The following PCDH9 variants were observed in gnomAD, a reference collection of about 807,000 sequenced individuals.
PCDH9 encodes protocadherin 9.
In PCDH9, 24 loss-of-function variants were observed where a neutral mutation model predicts 70.6. That is an observed-to-expected ratio of 0.34 (90% CI 0.25 to 0.48). PCDH9 has a LOEUF of 0.48. Ranked by LOEUF, PCDH9 falls within the 20% of genes least tolerant of loss-of-function variation. PCDH9 has a pLI of 0.99. For synonymous variants in PCDH9, 562 were observed against 558.5 expected (o/e 1.01, Z -0.09); for missense variants, 1,281 against 1,503.6 (o/e 0.85, Z 2.45).
At chr13:66,907,909 C>T (rs2082390392) in intron 2 of PCDH9, among the ~76,000 whole-genome samples, 1 of 152,098 alleles carries the variant, frequency 6.6e-6, no homozygotes, top group African/African-American at 2.4e-5. Context: ...TACTTTTGTG[C>T]TATAGGTTTC....
intron 2 of PCDH9, among the ~76,000 whole-genome samples, chr13:67,107,380 C>T (rs1073394): frequency 0.01 from 1,528 of 152,288 alleles, 10 homozygotes; most frequent in Non-Finnish European, 0.014. Context: ...CCAATCAACA[C>T]GCATATTCTA....
At chr13:67,024,483 C>T (rs1041527432) in intron 2 of PCDH9, among the ~76,000 whole-genome samples, 2 of 151,978 alleles carry the variant, frequency 1.3e-5, no homozygotes, top group African/African-American at 4.8e-5. Context: ...ATAAACTTAT[C>T]ACATAATAAA....
chr13:66,855,021 A>AGTAT (rs2081372425), intron 3 of PCDH9, among the ~76,000 whole-genome samples: 1 of 152,134 alleles, frequency 6.6e-6, no homozygotes, highest in African/African-American at 2.4e-5. Context: ...CAAGACCTGA[A>AGTAT]TGCATTCCTT....
intron 2 of PCDH9, among the ~76,000 whole-genome samples, chr13:67,162,660 C>G (rs1280354156): frequency 5.9e-5 from 9 of 152,052 alleles, no homozygotes; most frequent in Admixed American, 5.9e-4. Context: ...CTAAAACTCC[C>G]GAGTGAGTAG....
chr13:66,921,062 T>A (rs1261195249), intron 2 of PCDH9, among the ~76,000 whole-genome samples: 2 of 151,174 alleles, frequency 1.3e-5, no homozygotes, highest in Non-Finnish European at 3.0e-5. Context: ...AATTTCATAA[T>A]GCATAAAGAT....
chr13:66,319,780 A>T (rs941968376), intron 4 of PCDH9, among the ~76,000 whole-genome samples: 7 of 152,112 alleles, frequency 4.6e-5, no homozygotes, highest in Non-Finnish European at 1.0e-4. Context: ...AGTCAAAAGC[A>T]AATGTGGAAA....
intron 2 of PCDH9, among the ~76,000 whole-genome samples, chr13:66,904,777 A>G (rs1385197228): frequency 1.3e-5 from 2 of 151,966 alleles, no homozygotes; most frequent in East Asian, 1.9e-4. Context: ...CCATCATTTT[A>G]TATATTTAAA....
rs369977170 is a variant in PCDH9, at chr13:66,921,306, C to G, written c.3037-17701G>C. Among the ~76,000 whole-genome samples the G allele has an allele frequency of 3.3e-5, 5 of 151,016 alleles. No individual in the cohort carries two copies. The East Asian group carries it at 9.7e-4, about 29-fold the overall frequency. ...ATTTAACTACCTTTAATTATGGGAACTATGCAAGCAGACATTGTATTTACG... is the reference window on the plus strand; with the variant it reads ...ATTTAACTACCTTTAATTATGGGAAGTATGCAAGCAGACATTGTATTTACG... On this transcript the variant is annotated intron_variant, in intron 2 of 4. Transcript: ENST00000377865.
rs781540299 is a variant in PCDH9 at position 66,588,169 on chromosome 13, G to T, written c.3340+43041C>A. Among the ~76,000 whole-genome samples the T allele has an allele frequency of 2.0e-5, 3 of 151,978 alleles. No individual in the cohort carries two copies. In the East Asian group the frequency reaches 5.8e-4, roughly 29 times the overall value. ...CATAGACATCTATAATTTTTCTCCT[G>T]CTTGAAACAATCTCCTACATGCCAC... On this transcript the variant is annotated intron_variant, in intron 4 of 4. Transcript: ENST00000377865.
chr13:66,562,400 G>A (rs1323838580), intron 4 of PCDH9, among the ~76,000 whole-genome samples: 2 of 152,010 alleles, frequency 1.3e-5, no homozygotes, highest in African/African-American at 4.8e-5. Flanking sequence ...TTCTCAAGCC[G>A]CTAATAAAGA....
intron 3 of PCDH9, among the ~76,000 whole-genome samples, chr13:66,754,443 A>G (rs983324658): frequency 6.6e-6 from 1 of 152,050 alleles, no homozygotes; most frequent in Non-Finnish European, 1.5e-5. Context: ...GGAAAAAAAA[A>G]GAGGGAGGTG....
Position 66,767,274 on chromosome 13 carries a change from G to A in PCDH9, c.3139-135863C>T, listed in dbSNP as rs570429986. Reference sequence around the variant, plus strand: ...GGGAAGGTTTTATCTGGAGAATGTAGATGTGTTATATTTAAGGCAAAATCT... The same window carrying A: ...GGGAAGGTTTTATCTGGAGAATGTAAATGTGTTATATTTAAGGCAAAATCT... On this transcript the variant is annotated intron_variant, in intron 3 of 4. Coordinates refer to ENST00000377865, the MANE Select transcript of PCDH9 (RefSeq NM_203487.3). 5.6e-4 allele frequency among the ~76,000 whole-genome samples: 85 copies of A among 152,190 alleles called. No homozygotes were observed. The South Asian group carries it at 6.4e-3, about 12-fold the overall frequency.
At chr13:66,809,817 G>A (rs112687118) in intron 3 of PCDH9, among the ~76,000 whole-genome samples, 226 of 152,124 alleles carry the variant, frequency 1.5e-3, no homozygotes, top group African/African-American at 5.2e-3. Flanking sequence ...ATTTATTGAA[G>A]GTAACTGAAA....
intron 3 of PCDH9, among the ~76,000 whole-genome samples, chr13:66,694,460 G>T (rs2078531142): frequency 6.6e-6 from 1 of 152,150 alleles, no homozygotes; most frequent in African/African-American, 2.4e-5. Context: ...GACACCCTCA[G>T]GTGATGTCAG....
intron 2 of PCDH9, among the ~76,000 whole-genome samples, chr13:66,956,007 C>T (rs1323079612): frequency 6.6e-6 from 1 of 152,108 alleles, no homozygotes; most frequent in Non-Finnish European, 1.5e-5. Flanking sequence ...AAGGCTGAGG[C>T]AGGAGAATCG....
chr13:67,113,657 C>T (rs1250573035), intron 2 of PCDH9, among the ~76,000 whole-genome samples: 1 of 152,094 alleles, frequency 6.6e-6, no homozygotes, highest in East Asian at 1.9e-4. Context: ...CCGCCACTCT[C>T]CTGCCTCAGC....
intron 2 of PCDH9, among the ~76,000 whole-genome samples, chr13:66,919,177 G>T (rs2082602006): frequency 6.6e-6 from 1 of 151,106 alleles, no homozygotes; most frequent in Non-Finnish European, 1.5e-5. Flanking sequence ...TGTGCATTCA[G>T]TTGTCTGCAA....
At chr13:66,827,862 G>C (rs1192864963) in intron 3 of PCDH9, among the ~76,000 whole-genome samples, 1 of 152,024 alleles carries the variant, frequency 6.6e-6, no homozygotes, top group Non-Finnish European at 1.5e-5. Context: ...CAATCCCTAT[G>C]GGATACTTAG....
intron 4 of PCDH9, among the ~76,000 whole-genome samples, chr13:66,383,181 G>A (rs1202204763): frequency 6.6e-6 from 1 of 152,152 alleles, no homozygotes; most frequent in Non-Finnish European, 1.5e-5. Context: ...AAATTACACT[G>A]TGAACATTTA....
Sources: gnomAD v4.1 joint callset for allele counts (sites outside exome capture counted in the v4.1 genomes callset) on GRCh38, gnomAD v4.1.1 for gene constraint, MANE v1.5 for transcripts, NCBI Gene and HGNC (gene_info 2026-07-23, HGNC 2026-07-21) for gene names.